The following LRRC4C variants were observed in gnomAD, a reference collection of about 807,000 sequenced individuals.
The protein encoded by LRRC4C is leucine-rich repeat-containing protein 4C.
LRRC4C carries 5 observed loss-of-function variants against 33.6 expected under a neutral mutation model. That is an observed-to-expected ratio of 0.15 (90% CI 0.08 to 0.31). LRRC4C has a LOEUF of 0.31. Ranked by LOEUF, LRRC4C falls within the 10% of genes least tolerant of loss-of-function variation. The probability of loss-of-function intolerance (pLI) is 1.00; values close to 1 mark genes in which losing one functional copy is unlikely to be tolerated. For missense variants in LRRC4C, 560 were observed against 796.7 expected (o/e 0.70, Z 3.58); for synonymous variants, 329 against 302.0 (o/e 1.09, Z -0.93).
intron 2 of LRRC4C, among the ~76,000 whole-genome samples, chr11:40,749,925 C>A (rs542956192): frequency 1.3e-5 from 2 of 152,134 alleles, no homozygotes; most frequent in African/African-American, 2.4e-5. Context: ...ATCTACCAAC[C>A]TAAAATTAAG....
At chr11:41,188,529 T>G (rs7935045) in intron 1 of LRRC4C, among the ~76,000 whole-genome samples, 1 of 151,658 alleles carries the variant, frequency 6.6e-6, no homozygotes, top group South Asian at 2.1e-4. Flanking sequence ...ATGTACAAAT[T>G]TTCTTATCCT....
chr11:41,220,451 G>A lies in LRRC4C; in HGVS notation c.-496+238980C>T, dbSNP rs563949315. 1.2e-3 allele frequency among the ~76,000 whole-genome samples: 176 copies of A among 148,324 alleles called. 1 individual carries two copies. Among genetic ancestry groups the A allele is most frequent in the Admixed American group, 3.8e-3 (56 of 14,774 alleles). On this transcript the variant is annotated intron_variant, in intron 1 of 6. Transcript: ENST00000528697. ...ATTCAACTTTTTTTGGCGGGGGGGT[G>A]TTATCCAAAATAGTGGATAATCTCT...
intron 4 of LRRC4C, among the ~76,000 whole-genome samples, chr11:40,290,117 T>C (rs1221382139): frequency 6.6e-6 from 1 of 152,170 alleles, no homozygotes; most frequent in Admixed American, 6.5e-5. Flanking sequence ...GGGGTTCCCA[T>C]GTGAAGCCAG....
intron 3 of LRRC4C, among the ~76,000 whole-genome samples, chr11:40,371,059 C>T (rs1363980064): frequency 1.3e-5 from 2 of 152,002 alleles, no homozygotes; most frequent in African/African-American, 4.8e-5. Flanking sequence ...CTCACTTTTG[C>T]ATAAGAAGTG....
intron 3 of LRRC4C, among the ~76,000 whole-genome samples, chr11:40,625,145 C>A (rs1228934193): frequency 6.6e-6 from 1 of 152,048 alleles, no homozygotes; most frequent in Non-Finnish European, 1.5e-5. Context: ...CTAATAATTG[C>A]CATAGCTAAG....
At chr11:40,841,424 G>T (rs1405491915) in intron 2 of LRRC4C, among the ~76,000 whole-genome samples, 1 of 152,174 alleles carries the variant, frequency 6.6e-6, no homozygotes, top group Non-Finnish European at 1.5e-5. Flanking sequence ...TTGGAGATGA[G>T]GCCTCTAAAG....
intron 4 of LRRC4C, among the ~76,000 whole-genome samples, chr11:40,313,158 C>T (rs1339762559): frequency 6.6e-6 from 1 of 152,098 alleles, no homozygotes; most frequent in Non-Finnish European, 1.5e-5. Context: ...TATTTGTAAT[C>T]GATCAAATAG....
intron 1 of LRRC4C, among the ~76,000 whole-genome samples, chr11:41,315,570 A>G (rs1950762903): frequency 6.6e-6 from 1 of 152,156 alleles, no homozygotes; most frequent in African/African-American, 2.4e-5. Flanking sequence ...GAGTTCTCCA[A>G]CCCCAGTCAA....
At chr11:40,349,028 G>A (rs1466339578) in intron 3 of LRRC4C, among the ~76,000 whole-genome samples, 11 of 152,070 alleles carry the variant, frequency 7.2e-5, no homozygotes, top group African/African-American at 2.7e-4. Flanking sequence ...ATCATATCAG[G>A]GTAAATGGAG....
intron 3 of LRRC4C, among the ~76,000 whole-genome samples, chr11:40,516,384 C>T (rs968426859): frequency 1.3e-5 from 2 of 152,066 alleles, no homozygotes; most frequent in Non-Finnish European, 2.9e-5. Flanking sequence ...TTTCCAACTC[C>T]ACTACCAAGT....
At chr11:41,077,055 G>A (rs1229704600) in intron 1 of LRRC4C, among the ~76,000 whole-genome samples, 1 of 152,214 alleles carries the variant, frequency 6.6e-6, no homozygotes, top group Non-Finnish European at 1.5e-5. Flanking sequence ...TCCAGGGAAT[G>A]TTATGCAAGG....
intron 1 of LRRC4C, among the ~76,000 whole-genome samples, chr11:41,165,568 T>C (rs1319230503): frequency 6.6e-6 from 1 of 152,110 alleles, no homozygotes; most frequent in African/African-American, 2.4e-5. Context: ...GTTTCAATAA[T>C]CTATACAATG....
chr11:41,010,593 T>C (rs1241589628), intron 1 of LRRC4C, among the ~76,000 whole-genome samples: 1 of 152,180 alleles, frequency 6.6e-6, no homozygotes, highest in Non-Finnish European at 1.5e-5. Flanking sequence ...GCCTGAGAAG[T>C]TCTCCAAAAG....
intron 1 of LRRC4C, among the ~76,000 whole-genome samples, chr11:41,242,010 A>G (rs1390860143): frequency 6.6e-6 from 1 of 152,078 alleles, no homozygotes; most frequent in Non-Finnish European, 1.5e-5. Context: ...TTTTTTTTGT[A>G]TGTGTGAATT....
intron 1 of LRRC4C, among the ~76,000 whole-genome samples, chr11:41,385,692 A>T (rs1953334360): frequency 6.6e-6 from 1 of 151,530 alleles, no homozygotes; most frequent in Admixed American, 6.6e-5. Flanking sequence ...AAAAATTAGG[A>T]GGTTATGAAG....
intron 2 of LRRC4C, among the ~76,000 whole-genome samples, chr11:40,736,507 A>G (rs1947875362): frequency 6.6e-6 from 1 of 152,136 alleles, no homozygotes; most frequent in Non-Finnish European, 1.5e-5. Flanking sequence ...AGAATTATTT[A>G]TAATCCTTTG....
intron 2 of LRRC4C, among the ~76,000 whole-genome samples, chr11:40,932,296 AAATGCAATGCAC>A (rs1352602998): frequency 1.1e-3 from 163 of 152,260 alleles, no homozygotes; most frequent in African/African-American, 3.8e-3. Flanking sequence ...TAGATACTGG[AAATGCAATGCAC>A]AATGAAACAA....
chr11:40,969,232 A>G (rs1851553954), intron 1 of LRRC4C, among the ~76,000 whole-genome samples: 1 of 152,158 alleles, frequency 6.6e-6, no homozygotes, highest in Non-Finnish European at 1.5e-5. Flanking sequence ...GCTGTAATCA[A>G]ATTGTTGCAC....
At chr11:40,825,949 GGC>G (rs79813926) in intron 2 of LRRC4C, among the ~76,000 whole-genome samples, 8,630 of 65,100 alleles carry the variant, frequency 0.13, 598 homozygotes, top group African/African-American at 0.2. Flanking sequence ...CTGGGGGGGG[GGC>G]GTCTCACATA....
Sources: gnomAD v4.1 joint callset for allele counts (sites outside exome capture counted in the v4.1 genomes callset) on GRCh38, gnomAD v4.1.1 for gene constraint, MANE v1.5 for transcripts, NCBI Gene and HGNC (gene_info 2026-07-23, HGNC 2026-07-21) for gene names.